The following ARID1B variants were observed in gnomAD, a reference collection of about 807,000 sequenced individuals.
The protein encoded by ARID1B is AT-rich interactive domain-containing protein 1B.
ARID1B carries 30 observed loss-of-function variants against 212.3 expected under a neutral mutation model. That is an observed-to-expected ratio of 0.14 (90% CI 0.11 to 0.19). The LOEUF (loss-of-function observed/expected upper bound fraction) is 0.19. Among genes scored for constraint, ARID1B ranks in the 10% least tolerant of loss-of-function variants. ARID1B has a pLI of 1.00. For synonymous variants in ARID1B, 1,402 were observed against 1,301.7 expected, an observed-to-expected ratio of 1.08 and a Z score of -1.66; for missense variants, 2,891 against 3,204.0, an observed-to-expected ratio of 0.90 and a Z score of 2.36.
rs1562494875 is a variant in ARID1B, at chr6:156,934,952, ATATATATAT to A, written c.2137-513_2137-505del. On this transcript the variant is annotated intron_variant, in intron 3 of 19. Transcript: ENST00000636930. ...TATATATATATATATATATATATAT[ATATATATAT>A]AGTTTATATTTCTGCTGTTATTCAC... Among the ~76,000 whole-genome samples, 592 of 83,844 alleles carry A rather than the reference ATATATATAT, an allele frequency of 7.1e-3. 17 individuals are homozygous for A. Among genetic ancestry groups the A allele is most frequent in the East Asian group, 0.053 (136 of 2,574 alleles). 55.0% of individuals were successfully genotyped at this position (83,844 alleles called of 152,430 possible).
chr6:156,937,813 T>C (rs935385317), intron 4 of ARID1B: 1 of 152,218 alleles, frequency 6.6e-6, no homozygotes, highest in Non-Finnish European at 1.5e-5. Context: ...TTAACCTTTA[T>C]CTTGCCTACT....
intron 2 of ARID1B, among the ~76,000 whole-genome samples, chr6:156,860,434 G>A (rs2128126691): frequency 6.6e-6 from 1 of 152,108 alleles, no homozygotes; most frequent in South Asian, 2.1e-4. Flanking sequence ...AAGCCTGTTA[G>A]TGTAAACTGG....
chr6:156,997,983 T>C (rs1778693941), intron 4 of ARID1B, among the ~76,000 whole-genome samples: 1 of 152,116 alleles, frequency 6.6e-6, no homozygotes, highest in Non-Finnish European at 1.5e-5. Context: ...TATGGGACAA[T>C]AATATGGGGT....
intron 4 of ARID1B, among the ~76,000 whole-genome samples, chr6:156,960,670 T>G (rs1794310935): frequency 1.3e-5 from 2 of 152,226 alleles, no homozygotes; most frequent in South Asian, 4.1e-4. Flanking sequence ...TTCATTTTTA[T>G]GTACTTAAAG....
intron 2 of ARID1B, among the ~76,000 whole-genome samples, chr6:156,874,231 A>C (rs957750065): frequency 6.6e-6 from 1 of 152,008 alleles, no homozygotes; most frequent in Non-Finnish European, 1.5e-5. Flanking sequence ...CACCTGGCTA[A>C]TTTTTAAATT....
chr6:156,898,535 G>T (rs1252808253), intron 2 of ARID1B, among the ~76,000 whole-genome samples: 1 of 152,138 alleles, frequency 6.6e-6, no homozygotes, highest in East Asian at 1.9e-4. Flanking sequence ...GAAGGCTCTG[G>T]GGCCTTCCAT....
intron 2 of ARID1B, among the ~76,000 whole-genome samples, chr6:156,897,264 CTTATTATTA>C (rs1163995525): frequency 8.6e-4 from 72 of 83,608 alleles, no homozygotes; most frequent in Middle Eastern, 0.01. Context: ...TCTTCTTCTT[CTTATTATTA>C]TTATTATTAT....
intron 1 of ARID1B, among the ~76,000 whole-genome samples, chr6:156,802,273 C>T (rs1306644827): frequency 1.3e-5 from 2 of 152,158 alleles, no homozygotes; most frequent in African/African-American, 2.4e-5. Context: ...TTTTATTTCA[C>T]ATCATCATTA....
At position 156,829,317 on chromosome 6, in the gene ARID1B, T is replaced by A. The variant is rs2128046400; in HGVS notation, c.1882T>A (p.Tyr628Asn). 1 of 1,614,234 alleles carries A rather than the reference T, an allele frequency of 6.2e-7. No homozygotes were observed. The highest frequency in any genetic ancestry group is 8.5e-7 in the Non-Finnish European group (1 of 1,180,026). Reference protein sequence around the residue: ...PHSQPQQSSPYPGGSYGPPGP... With the variant: ...PHSQPQQSSPNPGGSYGPPGP... ...TTCTCAGCCTCAGCAGAGCAGTCCG[T>A]ACCCAGGAGGTTCCTATGGCCCTCC... Residue 628 changes from tyrosine (Y) to asparagine (N), a missense_variant, in exon 2 of 20, where the codon TAC becomes AAC. Around this residue, in one of 7 missense-constraint regions of ARID1B, gnomAD observed 1,643 missense variants for 1,544.0 expected, o/e 1.06. Transcript: ENST00000636930.
At chr6:156,902,491 G>T (rs928603706) in intron 3 of ARID1B, among the ~76,000 whole-genome samples, 1 of 151,890 alleles carries the variant, frequency 6.6e-6, no homozygotes, top group African/African-American at 2.4e-5. Flanking sequence ...AATCAGTTTG[G>T]CTGGTTTCTT....
At position 157,201,261 on chromosome 6, in the gene ARID1B, C is replaced by T. The variant is rs2128375518; in HGVS notation, c.5036C>T (p.Pro1679Leu). The T allele has an allele frequency of 1.9e-6, 3 of 1,614,090 alleles. No homozygotes were observed. Among genetic ancestry groups the T allele is most frequent in the African/African-American group, 1.3e-5 (1 of 75,046 alleles). The change falls in exon 18 of 20, where the codon CCA becomes CTA. Residue 1679 changes from proline to leucine, a missense_variant. Around this residue, in one of 7 missense-constraint regions of ARID1B, gnomAD observed 666 missense variants for 873.5 expected, o/e 0.76. Coordinates refer to ENST00000636930, the MANE Select transcript of ARID1B (RefSeq NM_001374828.1). The surrounding 1 kb of genome is among the most constrained non-coding windows in gnomAD (Gnocchi z 5.2). ...AATCACATCTCCAGGGCGCCCAGCC[C>T]AGCGTCCTTCCAGCGCTCCCTGGAG... ...LPNHISRAPSPASFQRSLENR... is the reference protein window; with the variant it reads ...LPNHISRAPSLASFQRSLENR...
chr6:156,837,262 T>G (rs575145255), intron 2 of ARID1B, among the ~76,000 whole-genome samples: 2 of 152,358 alleles, frequency 1.3e-5, no homozygotes, highest in East Asian at 1.9e-4. Flanking sequence ...GTAGAAAATC[T>G]TAAGGTTGAC....
In ARID1B at chr6:156,917,519, AG is replaced by A. The variant is rs199813302; in HGVS notation, c.2136+15996del. Among the ~76,000 whole-genome samples, 1,381 of 152,280 alleles carry A rather than the reference AG, an allele frequency of 9.1e-3. 4 individuals are homozygous for A. The highest frequency in any genetic ancestry group is 0.015 in the Non-Finnish European group (1,028 of 68,020). ...GAAGATGTTGATAAAAGTGTCTCAG[AG>A]GAAGTCTGGAAGAATGAGGAAGACT... On this transcript the variant is annotated intron_variant, in intron 3 of 19. Coordinates refer to ENST00000636930, the MANE Select transcript of ARID1B (RefSeq NM_001374828.1).
At chr6:156,982,279 TCTG>T (rs1777650855) in intron 4 of ARID1B, among the ~76,000 whole-genome samples, 1 of 152,208 alleles carries the variant, frequency 6.6e-6, no homozygotes, top group Non-Finnish European at 1.5e-5. Context: ...GCTTCTGACT[TCTG>T]CTATTACTGC....
At chr6:156,954,979 G>A (rs1486979166) in intron 4 of ARID1B, among the ~76,000 whole-genome samples, 2 of 152,232 alleles carry the variant, frequency 1.3e-5, no homozygotes, top group African/African-American at 2.4e-5. Context: ...GTGTTGGACC[G>A]TCACGCTGCC....
chr6:156,820,420 A>G (rs1439910405), intron 1 of ARID1B, among the ~76,000 whole-genome samples: 1 of 152,240 alleles, frequency 6.6e-6, no homozygotes, highest in Non-Finnish European at 1.5e-5. Context: ...AAGATGAATA[A>G]GACAAAATTT....
chr6:156,978,678 TCTTTA>T lies in ARID1B; in HGVS notation c.2247+43106_2247+43110del, dbSNP rs568314576. On this transcript the variant is annotated intron_variant, in intron 4 of 19. Transcript: ENST00000636930. ...TTAGTATGTTGTTTTGTTAGGTGGG[TCTTTA>T]CTTAAAATCTCATTTAGTTTCATGG... is the stretch of plus-strand genomic sequence containing the variant. Among the ~76,000 whole-genome samples, 183 of 152,320 alleles carry T rather than the reference TCTTTA, an allele frequency of 1.2e-3. 1 individual carries two copies. The highest frequency in any genetic ancestry group is 4.0e-3 in the African/African-American group (165 of 41,568).
At chr6:156,928,500 C>A (rs892359412) in intron 3 of ARID1B, among the ~76,000 whole-genome samples, 2 of 152,042 alleles carry the variant, frequency 1.3e-5, no homozygotes, top group Admixed American at 1.3e-4. Flanking sequence ...ATTTCTTGAC[C>A]CGATGAGTGC....
At chr6:157,189,601 T>G in intron 13 of ARID1B, 41 bp from the exon 14 acceptor site, 2 of 1,571,912 alleles carry the variant, frequency 1.3e-6, no homozygotes, top group Non-Finnish European at 1.7e-6. Context: ...CTTGATAATC[T>G]CTGGATTTCT....
Sources: gnomAD v4.1 joint callset for allele counts (sites outside exome capture counted in the v4.1 genomes callset) on GRCh38, gnomAD v4.1.1 for gene constraint, gnomAD v4.1.1 regional missense constraint, Gnocchi (gnomAD v3.1) non-coding constraint, MANE v1.5 for transcripts, NCBI Gene and HGNC (gene_info 2026-07-23, HGNC 2026-07-21) for gene names.